Variants in CTNNA2 observed in about 807,000 individuals in gnomAD.
CTNNA2 encodes catenin alpha-2.
In CTNNA2, 42 loss-of-function variants were observed where a neutral mutation model predicts 101.0. That is an observed-to-expected ratio of 0.42 (90% CI 0.32 to 0.54). The LOEUF is 0.54. CTNNA2 is among the 20% of genes least tolerant of loss of function. CTNNA2 has a pLI of 0.14. For missense variants in CTNNA2, 871 were observed against 1,223.1 expected, an observed-to-expected ratio of 0.71 and a Z score of 4.29; for synonymous variants, 450 against 456.4, an observed-to-expected ratio of 0.99 and a Z score of 0.18.
chr2:80,378,950 C>A (rs2149345439), intron 7 of CTNNA2, among the ~76,000 whole-genome samples: 1 of 152,020 alleles, frequency 6.6e-6, no homozygotes, highest in African/African-American at 2.4e-5. Flanking sequence ...AGGGTTTTAT[C>A]TTGGCTGTAG....
chr2:79,855,821 A>G (rs1002479500), intron 3 of CTNNA2, among the ~76,000 whole-genome samples: 1 of 152,100 alleles, frequency 6.6e-6, no homozygotes, highest in African/African-American at 2.4e-5. Context: ...ATCTTACACA[A>G]ATTTGTCTAG....
intron 7 of CTNNA2, among the ~76,000 whole-genome samples, chr2:80,333,972 A>G (rs915819181): frequency 6.6e-6 from 1 of 152,078 alleles, no homozygotes; most frequent in Non-Finnish European, 1.5e-5. Flanking sequence ...CTTGCACTGC[A>G]GTGCTCCCTG....
chr2:80,494,639 C>T (rs750629621), intron 9 of CTNNA2, among the ~76,000 whole-genome samples: 7 of 134,092 alleles, frequency 5.2e-5, no homozygotes, highest in Non-Finnish European at 1.2e-4. Context: ...TAGAATTATT[C>T]TGCATGATTT....
At chr2:79,682,891 A>G (rs746309316) in intron 2 of CTNNA2, among the ~76,000 whole-genome samples, 20 of 152,254 alleles carry the variant, frequency 1.3e-4, no homozygotes, top group Non-Finnish European at 2.5e-4. Context: ...AGCAAGAGGA[A>G]TATTACTTTT....
intron 4 of CTNNA2, among the ~76,000 whole-genome samples, chr2:79,868,972 C>T (rs535773711): frequency 2.0e-5 from 3 of 152,160 alleles, no homozygotes; most frequent in Non-Finnish European, 2.9e-5. Flanking sequence ...TAATGGTGTC[C>T]ACAGATGGTA....
intron 2 of CTNNA2, among the ~76,000 whole-genome samples, chr2:79,308,007 A>T (rs1027598358): frequency 1.3e-5 from 2 of 151,776 alleles, no homozygotes; most frequent in African/African-American, 4.8e-5. Context: ...GGCCATATGG[A>T]TGTCTTCTTT....
rs1267206838 is a variant in CTNNA2 at position 79,464,613 on chromosome 2, G to A, written c.-134-40441G>A. ...ACAGTCCCACCAACAGTGTAAAAGTGTTCCTATTTCTCCACATCCTCTCCA... is the reference window on the plus strand; with the variant it reads ...ACAGTCCCACCAACAGTGTAAAAGTATTCCTATTTCTCCACATCCTCTCCA... On this transcript the variant is annotated intron_variant, in intron 4 of 21. Transcript: ENST00000466387. Among the ~76,000 whole-genome samples the A allele has an allele frequency of 4.6e-5, 7 of 152,230 alleles. No homozygotes were observed. In the South Asian group the frequency reaches 8.3e-4, roughly 18 times the overall value.
chr2:79,949,565 T>G (rs1040146969), intron 7 of CTNNA2, among the ~76,000 whole-genome samples: 2 of 152,174 alleles, frequency 1.3e-5, no homozygotes, highest in Middle Eastern at 3.4e-3. Flanking sequence ...CCCAGGGGTT[T>G]GACATCAGCC....
chr2:79,297,596 C>T (rs748506720), intron 2 of CTNNA2, among the ~76,000 whole-genome samples: 37 of 152,280 alleles, frequency 2.4e-4, no homozygotes, highest in Admixed American at 8.5e-4. Context: ...TTCTCTACAC[C>T]TATTCCAAGA....
intron 14 of CTNNA2, among the ~76,000 whole-genome samples, chr2:80,583,979 G>C (rs1410653284): frequency 6.6e-6 from 1 of 152,122 alleles, no homozygotes; most frequent in Non-Finnish European, 1.5e-5. Flanking sequence ...GTACGATTAA[G>C]TTGCAGCAGA....
intron 7 of CTNNA2, among the ~76,000 whole-genome samples, chr2:80,322,314 G>A (rs1049605920): frequency 1.3e-5 from 2 of 152,148 alleles, no homozygotes; most frequent in Non-Finnish European, 1.5e-5. Context: ...CTCATTTTAT[G>A]TAGCGTGAAA....
chr2:79,249,328 C>G (rs1285005420), intron 2 of CTNNA2, among the ~76,000 whole-genome samples: 1 of 152,160 alleles, frequency 6.6e-6, no homozygotes, highest in African/African-American at 2.4e-5. Context: ...CACATACTAT[C>G]TAATAGCACT....
chr2:80,582,060 A>ATGTTTTTATGT (rs1695589865), intron 14 of CTNNA2, among the ~76,000 whole-genome samples: 1 of 152,140 alleles, frequency 6.6e-6, no homozygotes, highest in Non-Finnish European at 1.5e-5. Context: ...ACCACATCAC[A>ATGTTTTTATGT]GCAAGCTTTT....
intron 3 of CTNNA2, among the ~76,000 whole-genome samples, chr2:79,811,304 CT>C (rs1288298856): frequency 1.3e-5 from 2 of 152,036 alleles, no homozygotes; most frequent in Admixed American, 6.6e-5. Flanking sequence ...TTTCATGTGT[CT>C]TTTGGCTGCA....
intron 1 of CTNNA2, among the ~76,000 whole-genome samples, chr2:79,581,209 G>C (rs775870809): frequency 6.6e-6 from 1 of 152,162 alleles, no homozygotes; most frequent in Admixed American, 6.6e-5. Context: ...CATTATGCTG[G>C]TGAAGATAAA....
chr2:80,000,610 T>C (rs925562278), intron 7 of CTNNA2, among the ~76,000 whole-genome samples: 1 of 152,170 alleles, frequency 6.6e-6, no homozygotes, highest in Non-Finnish European at 1.5e-5. Context: ...ATTGATATTA[T>C]ACTTCCTGCA....
intron 2 of CTNNA2, among the ~76,000 whole-genome samples, chr2:79,708,954 GAAC>G (rs1558860328): frequency 6.6e-6 from 1 of 152,120 alleles, no homozygotes; most frequent in Non-Finnish European, 1.5e-5. Context: ...TTCTCGAATT[GAAC>G]AACAATTTGA....
chr2:79,313,912 C>T (rs1044460661), intron 3 of CTNNA2, among the ~76,000 whole-genome samples: 1 of 152,120 alleles, frequency 6.6e-6, no homozygotes, highest in African/African-American at 2.4e-5. Context: ...GGGAGATGGG[C>T]AAGACCCGGT....
intron 7 of CTNNA2, among the ~76,000 whole-genome samples, chr2:80,294,479 C>T (rs1025653004): frequency 2.0e-5 from 3 of 151,754 alleles, no homozygotes; most frequent in African/African-American, 7.3e-5. Flanking sequence ...GCCCTGACCC[C>T]ATGGAGCCCA....
Sources: allele counts gnomAD v4.1 joint callset (sites outside exome capture counted in the v4.1 genomes callset), GRCh38; gene constraint gnomAD v4.1.1; transcripts MANE v1.5; gene names NCBI Gene and HGNC (gene_info 2026-07-23, HGNC 2026-07-21).